The following BTBD9 variants were observed in gnomAD, a reference collection of about 807,000 sequenced individuals.
The protein encoded by BTBD9 is BTB/POZ domain-containing protein 9.
In BTBD9, 49 loss-of-function variants were observed where a neutral mutation model predicts 64.3. The observed-to-expected ratio is 0.76, with a 90% CI of 0.61 to 0.97. The LOEUF (loss-of-function observed/expected upper bound fraction) is 0.97. Ranked by LOEUF, BTBD9 falls within the 50% of genes least tolerant of loss-of-function variation. The pLI, the probability that BTBD9 is intolerant of heterozygous loss-of-function variation, is 0.00. For missense variants in BTBD9, 598 were observed against 762.1 expected (o/e 0.78, Z 2.53); for synonymous variants, 260 against 274.7 (o/e 0.95, Z 0.53).
At chr6:38,473,740 G>A (rs1419526794) in intron 6 of BTBD9, among the ~76,000 whole-genome samples, 1 of 152,138 alleles carries the variant, frequency 6.6e-6, no homozygotes, top group African/African-American at 2.4e-5. Flanking sequence ...TAGTAGAGAA[G>A]ACATACATTA....
At chr6:38,609,791 T>A (rs1277864494) in intron 1 of BTBD9, among the ~76,000 whole-genome samples, 2 of 152,234 alleles carry the variant, frequency 1.3e-5, no homozygotes, top group Non-Finnish European at 2.9e-5. Context: ...GATTGAAATA[T>A]GCATCAAGGT....
At chr6:38,354,911 GAGAGAA>G (rs924415942) in intron 6 of BTBD9, among the ~76,000 whole-genome samples, 2 of 150,816 alleles carry the variant, frequency 1.3e-5, no homozygotes, top group African/African-American at 5.0e-5. Context: ...GAGAGAGACA[GAGAGAA>G]AGAGAGAGAG....
At chr6:38,279,463 CCCTT>C (rs1761418837) in intron 8 of BTBD9, among the ~76,000 whole-genome samples, 2 of 151,912 alleles carry the variant, frequency 1.3e-5, no homozygotes, top group African/African-American at 4.8e-5. Flanking sequence ...ATGACTGTGA[CCCTT>C]CATCAGTTTT....
chr6:38,637,442 A>T (rs1778564065), intron 1 of BTBD9, among the ~76,000 whole-genome samples: 2 of 152,366 alleles, frequency 1.3e-5, no homozygotes, highest in Admixed American at 1.3e-4. Flanking sequence ...AATAAAGACC[A>T]AGGGTTCAAT....
At chr6:38,385,133 G>A (rs1766096530) in intron 6 of BTBD9, among the ~76,000 whole-genome samples, 1 of 148,498 alleles carries the variant, frequency 6.7e-6, no homozygotes, top group East Asian at 2.0e-4. Flanking sequence ...GTTAATATCT[G>A]TTTATTTCAC....
chr6:38,540,661 C>G (rs967515889), intron 6 of BTBD9, among the ~76,000 whole-genome samples: 7 of 151,974 alleles, frequency 4.6e-5, no homozygotes, highest in Non-Finnish European at 1.0e-4. Flanking sequence ...ATGTCTTATA[C>G]CTGAAGGTCA....
chr6:38,246,918 CTCA>C (rs1653321823), intron 9 of BTBD9, among the ~76,000 whole-genome samples: 1 of 152,158 alleles, frequency 6.6e-6, no homozygotes, highest in African/African-American at 2.4e-5. Flanking sequence ...TGAACTATGT[CTCA>C]TCATCATTAG....
intron 6 of BTBD9, among the ~76,000 whole-genome samples, chr6:38,475,492 C>G (rs1770837594): frequency 6.6e-6 from 1 of 152,166 alleles, no homozygotes; most frequent in Non-Finnish European, 1.5e-5. Flanking sequence ...ATCTCAAAGC[C>G]TGCCCTCAAC....
At chr6:38,445,695 A>G (rs1420537896) in intron 6 of BTBD9, among the ~76,000 whole-genome samples, 1 of 152,210 alleles carries the variant, frequency 6.6e-6, no homozygotes, top group Admixed American at 6.5e-5. Flanking sequence ...TGAACTGAAA[A>G]AGAAAAATGT....
intron 7 of BTBD9, among the ~76,000 whole-genome samples, chr6:38,312,992 G>C (rs904400929): frequency 6.6e-6 from 1 of 152,100 alleles, no homozygotes. Context: ...AGACTGCTTT[G>C]GATAGTATGG....
At chr6:38,621,486 T>C (rs891279508) in intron 1 of BTBD9, among the ~76,000 whole-genome samples, 3 of 152,198 alleles carry the variant, frequency 2.0e-5, no homozygotes, top group African/African-American at 7.2e-5. Flanking sequence ...GGGCAGGTTA[T>C]GCCATAGTTA....
intron 6 of BTBD9, among the ~76,000 whole-genome samples, chr6:38,467,145 A>C (rs1770432559): frequency 6.6e-6 from 1 of 152,328 alleles, no homozygotes; most frequent in African/African-American, 2.4e-5. Context: ...ACAAACAAAC[A>C]AAAAAGAATT....
At position 38,213,396 on chromosome 6, in the gene BTBD9, T is replaced by G. The variant is rs534449156; in HGVS notation, c.1563-20799A>C. The stretch of plus-strand genomic sequence containing the variant: ...AATCTCTGGAGTAAAAAAAAAAATG[T>G]TTTCCTATGATGAAAACCATTGCCC... On this transcript the variant is annotated intron_variant, in intron 9 of 10. Coordinates refer to ENST00000481247, the MANE Select transcript of BTBD9 (RefSeq NM_001099272.2). Among the ~76,000 whole-genome samples the G allele has an allele frequency of 9.2e-3, 1,399 of 152,156 alleles. 15 individuals are homozygous for G. Among genetic ancestry groups the G allele is most frequent in the Middle Eastern group, 0.031 (9 of 294 alleles).
chr6:38,339,725 T>C (rs998554617), intron 7 of BTBD9, among the ~76,000 whole-genome samples: 1 of 152,218 alleles, frequency 6.6e-6, no homozygotes, highest in African/African-American at 2.4e-5. Flanking sequence ...TATAGCTCTT[T>C]TGCAGGTTTG....
intron 6 of BTBD9, among the ~76,000 whole-genome samples, chr6:38,483,835 G>A (rs1017865979): frequency 2.0e-5 from 3 of 152,148 alleles, no homozygotes; most frequent in Non-Finnish European, 4.4e-5. Context: ...CACTTCCTCA[G>A]AAAGGCCTTC....
chr6:38,419,490 A>AAAAGAATCAGATTAT (rs1767811248), intron 6 of BTBD9, among the ~76,000 whole-genome samples: 1 of 152,238 alleles, frequency 6.6e-6, no homozygotes, highest in South Asian at 2.1e-4. Flanking sequence ...AACTTAAAAT[A>AAAAGAATCAGATTAT]CATTGTGATT....
chr6:38,480,257 T>C (rs948636219), intron 6 of BTBD9, among the ~76,000 whole-genome samples: 2 of 152,178 alleles, frequency 1.3e-5, no homozygotes, highest in African/African-American at 4.8e-5. Flanking sequence ...CATCCATAAA[T>C]ACGGGGAGCA....
At chr6:38,637,365 G>A (rs1778561618) in intron 1 of BTBD9, among the ~76,000 whole-genome samples, 1 of 152,096 alleles carries the variant, frequency 6.6e-6, no homozygotes, top group Admixed American at 6.5e-5. Flanking sequence ...TACACATCTT[G>A]GTTAGCAATT....
intron 1 of BTBD9, among the ~76,000 whole-genome samples, chr6:38,600,041 A>G (rs1048512086): frequency 6.6e-6 from 1 of 152,236 alleles, no homozygotes; most frequent in Non-Finnish European, 1.5e-5. Context: ...TCACTTGTGT[A>G]TGAAAGACCA....
Sources: gnomAD v4.1 joint callset for allele counts (sites outside exome capture counted in the v4.1 genomes callset) on GRCh38, gnomAD v4.1.1 for gene constraint, MANE v1.5 for transcripts, NCBI Gene and HGNC (gene_info 2026-07-23, HGNC 2026-07-21) for gene names.